SLC24A3: variants seen among roughly 807,000 people sequenced by gnomAD.
SLC24A3 encodes solute carrier family 24 member 3.
A neutral mutation model predicts 75.8 loss-of-function variants in SLC24A3; 28 were observed. The ratio of observed to expected loss-of-function variants is 0.37; its 90% CI spans 0.27 to 0.51. SLC24A3 has a LOEUF of 0.51. SLC24A3 is among the 20% of genes least tolerant of loss of function. The pLI is 0.94. For missense variants in SLC24A3, 663 were observed against 847.8 expected, an observed-to-expected ratio of 0.78 and a Z score of 2.71; for synonymous variants, 372 against 334.1, an observed-to-expected ratio of 1.11 and a Z score of -1.24.
At chr20:19,670,880 TG>T (rs1390063035) in intron 8 of SLC24A3, among the ~76,000 whole-genome samples, 2 of 152,268 alleles carry the variant, frequency 1.3e-5, no homozygotes, top group Admixed American at 6.5e-5. Context: ...GGGCAAGACC[TG>T]GGGGTGTCTG....
At position 19,325,813 on chromosome 20, in the gene SLC24A3, G is replaced by T. The variant is rs1258962128; in HGVS notation, c.271+44726G>T. Among the ~76,000 whole-genome samples the T allele has an allele frequency of 2.4e-3, 247 of 102,346 alleles. 3 individuals are homozygous for T. Among genetic ancestry groups the T allele is most frequent in the African/African-American group, 0.013 (229 of 17,500 alleles). 67.1% of individuals were successfully genotyped at this position (102,346 alleles called of 152,430 possible). A position where few individuals can be genotyped will look rare whatever the true frequency, so the allele number is the denominator to read the frequency against. On this transcript the variant is annotated intron_variant, in intron 2 of 16. Transcript: ENST00000328041. Reference sequence around the variant, plus strand: ...ATATATATAGAGAGAGAGAGAGAGAGAGAGAGAGAGAGAGAGAGAGAGAGA... The same window carrying T: ...ATATATATAGAGAGAGAGAGAGAGATAGAGAGAGAGAGAGAGAGAGAGAGA...
At chr20:19,419,499 T>C (rs1156804412) in intron 2 of SLC24A3, among the ~76,000 whole-genome samples, 2 of 152,170 alleles carry the variant, frequency 1.3e-5, no homozygotes, top group Non-Finnish European at 2.9e-5. Flanking sequence ...ACTTAATGAC[T>C]GATACAGAGC....
At chr20:19,533,301 G>T (rs534985991) in intron 3 of SLC24A3, among the ~76,000 whole-genome samples, 1 of 152,158 alleles carries the variant, frequency 6.6e-6, no homozygotes, top group Non-Finnish European at 1.5e-5. Context: ...AGGCTGAATG[G>T]TTTACGCAGA....
intron 1 of SLC24A3, among the ~76,000 whole-genome samples, chr20:19,253,476 A>G (rs1982723041): frequency 6.6e-6 from 1 of 151,682 alleles, no homozygotes; most frequent in Non-Finnish European, 1.5e-5. Context: ...AACCCTTTCC[A>G]TGTTGTATTT....
At chr20:19,433,085 A>G (rs1052273285) in intron 2 of SLC24A3, among the ~76,000 whole-genome samples, 1 of 152,178 alleles carries the variant, frequency 6.6e-6, no homozygotes, top group Non-Finnish European at 1.5e-5. Flanking sequence ...TCTTGTGCAA[A>G]TAGCTCTCTC....
At chr20:19,461,340 AAAAG>A (rs1276926835) in intron 2 of SLC24A3, among the ~76,000 whole-genome samples, 1 of 152,186 alleles carries the variant, frequency 6.6e-6, no homozygotes, top group Admixed American at 6.5e-5. Context: ...TGGGAAAAGA[AAAAG>A]AAAAATATAT....
At chr20:19,412,633 G>C (rs113487365) in intron 2 of SLC24A3, among the ~76,000 whole-genome samples, 1 of 149,792 alleles carries the variant, frequency 6.7e-6, no homozygotes, top group Admixed American at 6.6e-5. Context: ...GAGGAGGAGG[G>C]GGGGAGGAGG....
chr20:19,587,342 T>A (rs2031312353), intron 6 of SLC24A3, among the ~76,000 whole-genome samples: 1 of 152,164 alleles, frequency 6.6e-6, no homozygotes, highest in Admixed American at 6.5e-5. Context: ...ACGCGGTTCA[T>A]CCCAGCTTGG....
chr20:19,718,335 A>G (rs568545842), intron 16 of SLC24A3, among the ~76,000 whole-genome samples: 1 of 152,310 alleles, frequency 6.6e-6, no homozygotes, highest in Non-Finnish European at 1.5e-5. Flanking sequence ...TGCCTTATAC[A>G]AAAGTGCAAA....
chr20:19,625,795 G>T (rs964258832), intron 6 of SLC24A3, among the ~76,000 whole-genome samples: 1 of 152,124 alleles, frequency 6.6e-6, no homozygotes, highest in South Asian at 2.1e-4. Flanking sequence ...GGGCACAAGT[G>T]AATGCAAGTA....
chr20:19,322,117 T>G (rs956662770), intron 2 of SLC24A3, among the ~76,000 whole-genome samples: 11 of 152,286 alleles, frequency 7.2e-5, no homozygotes, highest in Admixed American at 5.9e-4. Flanking sequence ...TGCTTGGTTA[T>G]GAAGTGTCCA....
At chr20:19,486,011 G>A (rs1222571331) in intron 2 of SLC24A3, among the ~76,000 whole-genome samples, 1 of 152,080 alleles carries the variant, frequency 6.6e-6, no homozygotes, top group African/African-American at 2.4e-5. Flanking sequence ...GTGGGTGCAG[G>A]GTCAGCTGCA....
intron 2 of SLC24A3, among the ~76,000 whole-genome samples, chr20:19,461,529 C>CTTTTTTTTTTT (rs11468628): frequency 2.3e-4 from 23 of 101,412 alleles, no homozygotes; most frequent in East Asian, 2.8e-4. Flanking sequence ...TCTTTTTTTT[C>CTTTTTTTTTTT]TTTTTTTTTT....
intron 1 of SLC24A3, among the ~76,000 whole-genome samples, chr20:19,274,734 G>A (rs1983433384): frequency 6.6e-6 from 1 of 152,226 alleles, no homozygotes; most frequent in Non-Finnish European, 1.5e-5. Context: ...AGGGGGAGGG[G>A]CAGGAAAGGG....
At chr20:19,388,808 C>T (rs1250745535) in intron 2 of SLC24A3, among the ~76,000 whole-genome samples, 2 of 152,162 alleles carry the variant, frequency 1.3e-5, no homozygotes, top group Non-Finnish European at 2.9e-5. Flanking sequence ...AGCATATGGT[C>T]AGCTCTTGTT....
intron 2 of SLC24A3, among the ~76,000 whole-genome samples, chr20:19,283,525 A>G (rs1240983055): frequency 6.6e-6 from 1 of 152,228 alleles, no homozygotes; most frequent in East Asian, 1.9e-4. Context: ...AGAAAGAGCT[A>G]TTGGACAGGG....
chr20:19,244,552 A>G (rs906327760), intron 1 of SLC24A3, among the ~76,000 whole-genome samples: 5 of 152,186 alleles, frequency 3.3e-5, no homozygotes, highest in Non-Finnish European at 5.9e-5. Context: ...GAGACTGAGC[A>G]TGAAAGGCCT....
intron 6 of SLC24A3, among the ~76,000 whole-genome samples, chr20:19,618,139 G>A (rs2031760635): frequency 6.6e-6 from 1 of 152,174 alleles, no homozygotes; most frequent in South Asian, 2.1e-4. Context: ...GGGGAAGAAG[G>A]TCACTAGTGG....
intron 12 of SLC24A3, among the ~76,000 whole-genome samples, chr20:19,690,949 G>A (rs2032737723): frequency 6.6e-6 from 1 of 151,860 alleles, no homozygotes; most frequent in South Asian, 2.1e-4. Context: ...AATTTTCTTT[G>A]GTCTGTCTGA....
Sources: allele counts gnomAD v4.1 joint callset (sites outside exome capture counted in the v4.1 genomes callset), GRCh38; gene constraint gnomAD v4.1.1; transcripts MANE v1.5; gene names NCBI Gene and HGNC (gene_info 2026-07-23, HGNC 2026-07-21).